Variants in FOXO3 observed in about 807,000 individuals in gnomAD.
FOXO3 encodes forkhead box protein O3.
FOXO3 carries 4 observed loss-of-function variants against 41.9 expected under a neutral mutation model. The observed-to-expected ratio is 0.10, with a 90% CI of 0.05 to 0.22. FOXO3 has a LOEUF of 0.22. Ranked by LOEUF, FOXO3 falls within the 10% of genes least tolerant of loss-of-function variation. The pLI is 1.00. For synonymous variants in FOXO3, 318 were observed against 389.3 expected (o/e 0.82, Z 2.16); for missense variants, 534 against 906.8 (o/e 0.59, Z 5.28).
chr6:108,632,771 A>C (rs906280895), intron 1 of FOXO3, among the ~76,000 whole-genome samples: 1 of 152,078 alleles, frequency 6.6e-6, no homozygotes, highest in Non-Finnish European at 1.5e-5. Flanking sequence ...AGAAAACGTC[A>C]ACTTCCTGGT....
chr6:108,584,690 T>A (rs887393607), intron 1 of FOXO3, among the ~76,000 whole-genome samples: 1 of 152,210 alleles, frequency 6.6e-6, no homozygotes, highest in African/African-American at 2.4e-5. Context: ...ATCTGGAAAC[T>A]TGCATTTACT....
chr6:108,617,773 A>G (rs78389843), intron 1 of FOXO3, among the ~76,000 whole-genome samples: 1,759 of 152,328 alleles, frequency 0.012, 24 homozygotes, highest in African/African-American at 0.035. Context: ...CTTGATGTCA[A>G]TCAAAACATA....
intron 1 of FOXO3, among the ~76,000 whole-genome samples, chr6:108,628,396 A>G (rs1777873051): frequency 6.6e-6 from 1 of 152,246 alleles, no homozygotes; most frequent in African/African-American, 2.4e-5. Context: ...CTGGCTGCGC[A>G]TATTTAAGTA....
intron 1 of FOXO3, among the ~76,000 whole-genome samples, chr6:108,577,544 A>G (rs1004312340): frequency 4.6e-5 from 7 of 152,194 alleles, no homozygotes; most frequent in African/African-American, 1.7e-4. Context: ...TGCATTTTAG[A>G]ATCACCTGGA....
Position 108,561,550 on chromosome 6 carries a change from C to A in FOXO3, c.342C>A (p.Thr114=). ...GGQDPGSGPA[T]AAGGLSGGTQ... Reference sequence around the variant, plus strand: ...AAGACCCCGGGTCTGGGCCAGCCACCGCGGCGGGCGGGCTGAGCGGGGGTA... The same window carrying A: ...AAGACCCCGGGTCTGGGCCAGCCACAGCGGCGGGCGGGCTGAGCGGGGGTA... Residue 114 remains threonine, a synonymous_variant, in exon 1 of 3, where the codon ACC becomes ACA. Coordinates refer to ENST00000406360, the MANE Select transcript of FOXO3 (RefSeq NM_001455.4). 7.0e-7 allele frequency: 1 copy of A among 1,434,588 alleles called. No individual in the cohort carries two copies. The highest frequency in any genetic ancestry group is 9.1e-7 in the Non-Finnish European group (1 of 1,102,518). 88.9% of individuals were successfully genotyped at this position (1,434,588 alleles called of 1,614,324 possible). A position where few individuals can be genotyped will look rare whatever the true frequency, so the allele number is the denominator to read the frequency against.
intron 1 of FOXO3, among the ~76,000 whole-genome samples, chr6:108,577,647 C>T (rs1486619238): frequency 6.6e-6 from 1 of 152,188 alleles, no homozygotes; most frequent in Non-Finnish European, 1.5e-5. Context: ...GTTTTTTAAG[C>T]TTCCCACGTG....
At chr6:108,643,449 T>C (rs1562255239) in intron 1 of FOXO3, among the ~76,000 whole-genome samples, 1 of 152,192 alleles carries the variant, frequency 6.6e-6, no homozygotes, top group Non-Finnish European at 1.5e-5. Context: ...TTCAAGTACC[T>C]AAGAAGTGTT....
chr6:108,663,740 C>T lies in FOXO3; in HGVS notation c.907C>T (p.Leu303=). 6.2e-7 allele frequency: 1 copy of T among 1,613,792 alleles called. No homozygotes were observed. Among genetic ancestry groups the T allele is most frequent in the Non-Finnish European group, 8.5e-7 (1 of 1,179,764 alleles). The part of the protein sequence containing the change: ...GSPTSRSSDE[L]DAWTDFRSRT... ...CCCCACGTCACGCAGCAGTGATGAG[C>T]TGGATGCGTGGACGGACTTCCGTTC... Residue 303 remains leucine, a synonymous_variant, in exon 2 of 3, where the codon CTG becomes TTG. Coordinates refer to ENST00000406360, the MANE Select transcript of FOXO3 (RefSeq NM_001455.4).
At chr6:108,588,161 C>T (rs1251980334) in intron 1 of FOXO3, among the ~76,000 whole-genome samples, 1 of 152,182 alleles carries the variant, frequency 6.6e-6, no homozygotes, top group Non-Finnish European at 1.5e-5. Context: ...TGTGTTTTAT[C>T]ATCTTTAAGT....
chr6:108,658,743 T>A (rs56826508), intron 1 of FOXO3, among the ~76,000 whole-genome samples: 6,676 of 152,250 alleles, frequency 0.044, 406 homozygotes, highest in African/African-American at 0.14. Context: ...TTGTATGGTA[T>A]CCACTGTCCT....
intron 1 of FOXO3, among the ~76,000 whole-genome samples, chr6:108,574,791 A>G (rs998604082): frequency 7.9e-5 from 12 of 152,246 alleles, no homozygotes; most frequent in Non-Finnish European, 4.4e-5. Flanking sequence ...GATAAAATGT[A>G]GTTAACAGAA....
intron 1 of FOXO3, among the ~76,000 whole-genome samples, chr6:108,591,448 C>T (rs1008013659): frequency 1.3e-5 from 2 of 152,198 alleles, no homozygotes; most frequent in Non-Finnish European, 2.9e-5. Flanking sequence ...TCATTACATC[C>T]TTCTGATGGT....
intron 1 of FOXO3, among the ~76,000 whole-genome samples, chr6:108,630,875 T>C (rs1777956262): frequency 1.3e-5 from 2 of 152,176 alleles, no homozygotes; most frequent in East Asian, 3.8e-4. Flanking sequence ...TTGTACTCCT[T>C]CTCAACCAGT....
intron 1 of FOXO3, among the ~76,000 whole-genome samples, chr6:108,607,325 T>A (rs1777234470): frequency 6.6e-6 from 1 of 151,924 alleles, no homozygotes; most frequent in African/African-American, 2.4e-5. Context: ...GGCGTGCACC[T>A]TTGGATCGCA....
chr6:108,641,689 G>A (rs1326399486), intron 1 of FOXO3, among the ~76,000 whole-genome samples: 1 of 151,954 alleles, frequency 6.6e-6, no homozygotes, highest in Non-Finnish European at 1.5e-5. Flanking sequence ...AAGCAGGATG[G>A]CATGTGAGGA....
intron 2 of FOXO3, among the ~76,000 whole-genome samples, chr6:108,666,817 G>A (rs985474987): frequency 6.6e-5 from 10 of 152,102 alleles, no homozygotes; most frequent in African/African-American, 2.4e-4. Context: ...ATGAACACTG[G>A]GATCTTCTAC....
intron 1 of FOXO3, among the ~76,000 whole-genome samples, chr6:108,577,731 A>G (rs993992922): frequency 1.3e-5 from 2 of 152,190 alleles, no homozygotes; most frequent in African/African-American, 2.4e-5. Flanking sequence ...GTTATCAGCT[A>G]TTTTAGTACT....
chr6:108,560,441 C>T (rs768323548), upstream of FOXO3, among the ~76,000 whole-genome samples: 61 of 152,342 alleles, frequency 4.0e-4, no homozygotes, highest in Non-Finnish European at 7.6e-4. Context: ...TTCTGTCTTT[C>T]CTTTATTTTT....
At chr6:108,675,246 C>A (rs1770537534) in intron 2 of FOXO3, among the ~76,000 whole-genome samples, 2 of 152,156 alleles carry the variant, frequency 1.3e-5, no homozygotes, top group South Asian at 4.1e-4. Flanking sequence ...GCCCTTTGTC[C>A]CTCAGCTATG....
Sources: gnomAD v4.1 joint callset for allele counts (sites outside exome capture counted in the v4.1 genomes callset) on GRCh38, gnomAD v4.1.1 for gene constraint, MANE v1.5 for transcripts, NCBI Gene and HGNC (gene_info 2026-07-23, HGNC 2026-07-21) for gene names.